Variants in LRRTM4 observed in about 807,000 individuals in gnomAD.
LRRTM4 encodes leucine-rich repeat transmembrane neuronal protein 4.
Under a neutral mutation model 47.6 loss-of-function variants are expected in LRRTM4, and 25 were observed. The observed-to-expected ratio is 0.53, with a 90% CI of 0.38 to 0.73. The LOEUF is 0.73. Among genes scored for constraint, LRRTM4 ranks in the 30% least tolerant of loss-of-function variants. The probability of loss-of-function intolerance (pLI) is 0.00; values close to 1 mark genes in which losing one functional copy is unlikely to be tolerated. For synonymous variants in LRRTM4, 311 were observed against 269.5 expected (o/e 1.15, Z -1.51); for missense variants, 638 against 713.4 (o/e 0.89, Z 1.20).
intron 3 of LRRTM4, among the ~76,000 whole-genome samples, chr2:76,909,569 G>C (rs558719793): frequency 3.3e-5 from 5 of 152,054 alleles, no homozygotes; most frequent in East Asian, 1.9e-4. Context: ...CCTACAAAAT[G>C]GGAGAAAATT....
At chr2:77,413,420 C>T (rs1009561123) in intron 3 of LRRTM4, among the ~76,000 whole-genome samples, 2 of 152,128 alleles carry the variant, frequency 1.3e-5, no homozygotes, top group African/African-American at 4.8e-5. Context: ...TCATCCTACG[C>T]ATTCCAAACA....
rs534016836 is a variant in LRRTM4, at chr2:77,224,856, A to C, written c.1551+293462T>G. Among the ~76,000 whole-genome samples, 6 of 152,266 alleles carry C rather than the reference A, an allele frequency of 3.9e-5. No individual in the cohort carries two copies. The East Asian group carries it at 1.2e-3, about 30-fold the overall frequency. On this transcript the variant is annotated intron_variant, in intron 3 of 3. Coordinates refer to ENST00000409884, the MANE Select transcript of LRRTM4 (RefSeq NM_001134745.3). The stretch of plus-strand genomic sequence containing the variant: ...AAATACCATTTGACCCAGCCATCCC[A>C]TTACTGGGTATATACCCAAAAGATT...
chr2:76,991,215 C>G (rs985552499), intron 3 of LRRTM4, among the ~76,000 whole-genome samples: 1 of 151,544 alleles, frequency 6.6e-6, no homozygotes, highest in African/African-American at 2.4e-5. Flanking sequence ...AATTAATGAT[C>G]TAACATTACA....
At chr2:77,197,101 A>G (rs1274293067) in intron 3 of LRRTM4, among the ~76,000 whole-genome samples, 1 of 152,132 alleles carries the variant, frequency 6.6e-6, no homozygotes, top group Non-Finnish European at 1.5e-5. Context: ...TTAAATTTGT[A>G]GACTCGTACA....
rs571545553 is a variant in LRRTM4 at position 77,018,521 on chromosome 2, T to C, written c.1552-269605A>G. On this transcript the variant is annotated intron_variant, in intron 3 of 3. Coordinates refer to ENST00000409884, the MANE Select transcript of LRRTM4 (RefSeq NM_001134745.3). ...CATGATGGCTATTGACTCAGACTTCTACAGCATTCCTCTGAGCAGAAGGCA... is the reference window on the plus strand; with the variant it reads ...CATGATGGCTATTGACTCAGACTTCCACAGCATTCCTCTGAGCAGAAGGCA... Among the ~76,000 whole-genome samples the C allele has an allele frequency of 1.2e-4, 19 of 152,306 alleles. 1 individual carries two copies. The highest frequency in any genetic ancestry group is 1.7e-4 in the African/African-American group (7 of 41,582).
chr2:77,508,274 C>G (rs752778243), intron 3 of LRRTM4, among the ~76,000 whole-genome samples: 1 of 152,078 alleles, frequency 6.6e-6, no homozygotes, highest in Non-Finnish European at 1.5e-5. Context: ...GGGGATTACT[C>G]GACACAAACT....
chr2:77,441,787 G>C (rs530393720), intron 3 of LRRTM4, among the ~76,000 whole-genome samples: 7 of 152,104 alleles, frequency 4.6e-5, no homozygotes, highest in Non-Finnish European at 1.0e-4. Flanking sequence ...GCTTGAATAC[G>C]TGTAAACTTG....
intron 3 of LRRTM4, among the ~76,000 whole-genome samples, chr2:77,360,565 C>CAT (rs1298717401): frequency 6.6e-6 from 1 of 151,078 alleles, no homozygotes; most frequent in Non-Finnish European, 1.5e-5. Context: ...TACATACATA[C>CAT]ATACATACAT....
chr2:77,007,565 G>A (rs1677702382), intron 3 of LRRTM4, among the ~76,000 whole-genome samples: 1 of 152,150 alleles, frequency 6.6e-6, no homozygotes, highest in Admixed American at 6.5e-5. Context: ...GTGTTAATCT[G>A]CCATAGTGCT....
chr2:77,014,503 C>CATATATAT (rs71381251), intron 3 of LRRTM4, among the ~76,000 whole-genome samples: 5 of 139,058 alleles, frequency 3.6e-5, no homozygotes, highest in South Asian at 2.4e-4. Flanking sequence ...TGTGCCCTTT[C>CATATATAT]ATATATATAT....
At chr2:77,464,761 C>A (rs1676920339) in intron 3 of LRRTM4, among the ~76,000 whole-genome samples, 1 of 151,988 alleles carries the variant, frequency 6.6e-6, no homozygotes, top group Non-Finnish European at 1.5e-5. Context: ...GCCAATGAAC[C>A]CTCTGCATCA....
chr2:77,038,718 A>C (rs1316571093), intron 3 of LRRTM4, among the ~76,000 whole-genome samples: 4 of 151,562 alleles, frequency 2.6e-5, no homozygotes, highest in Admixed American at 1.3e-4. Context: ...ATTATCCTAG[A>C]AATTCAATTA....
intron 3 of LRRTM4, among the ~76,000 whole-genome samples, chr2:76,802,715 C>T (rs1053206258): frequency 2.0e-5 from 3 of 152,004 alleles, no homozygotes; most frequent in Non-Finnish European, 4.4e-5. Flanking sequence ...TCAAAGTATA[C>T]TACAAAGCTA....
chr2:77,445,176 T>C (rs1481488416), intron 3 of LRRTM4, among the ~76,000 whole-genome samples: 1 of 152,000 alleles, frequency 6.6e-6, no homozygotes, highest in Non-Finnish European at 1.5e-5. Context: ...TCTTGGTTGC[T>C]TGCCATCCCT....
chr2:76,753,906 T>A (rs1024110586), intron 3 of LRRTM4, among the ~76,000 whole-genome samples: 4 of 152,146 alleles, frequency 2.6e-5, no homozygotes, highest in Non-Finnish European at 5.9e-5. Flanking sequence ...TTAGCATTAG[T>A]TGTAAGTCGC....
At chr2:77,198,828 C>A (rs922490396) in intron 3 of LRRTM4, among the ~76,000 whole-genome samples, 3 of 152,112 alleles carry the variant, frequency 2.0e-5, no homozygotes, top group African/African-American at 4.8e-5. Context: ...CCAGAGCAAT[C>A]TCTCACTAGC....
intron 3 of LRRTM4, among the ~76,000 whole-genome samples, chr2:77,197,107 G>A (rs193266285): frequency 2.7e-4 from 41 of 152,024 alleles, no homozygotes; most frequent in African/African-American, 6.7e-4. Context: ...TTGTAGACTC[G>A]TACATTGTTG....
chr2:76,750,270 G>A (rs914909598), intron 3 of LRRTM4, among the ~76,000 whole-genome samples: 1 of 152,120 alleles, frequency 6.6e-6, no homozygotes, highest in African/African-American at 2.4e-5. Flanking sequence ...CCTCCTCAGA[G>A]ACACCAGCAC....
At chr2:76,801,902 C>T (rs1675711105) in intron 3 of LRRTM4, among the ~76,000 whole-genome samples, 1 of 152,036 alleles carries the variant, frequency 6.6e-6, no homozygotes, top group Non-Finnish European at 1.5e-5. Flanking sequence ...TGCAGAAATG[C>T]ATTGGACAAA....
Sources: gnomAD v4.1 joint callset for allele counts (sites outside exome capture counted in the v4.1 genomes callset) on GRCh38, gnomAD v4.1.1 for gene constraint, MANE v1.5 for transcripts, NCBI Gene and HGNC (gene_info 2026-07-23, HGNC 2026-07-21) for gene names.